SLC16A5: variants seen among roughly 807,000 people sequenced by gnomAD.
SLC16A5 encodes the protein solute carrier family 16 member 5, also known as monocarboxylate transporter 6.
SLC16A5 carries 29 observed loss-of-function variants against 33.2 expected under a neutral mutation model. The observed-to-expected ratio is 0.87, with a 90% CI of 0.65 to 1.19. SLC16A5 has a LOEUF of 1.19. SLC16A5 is among the 50% of genes most tolerant of loss of function. SLC16A5 has a pLI of 0.00. For missense variants in SLC16A5, 606 were observed against 678.2 expected, an observed-to-expected ratio of 0.89 and a Z score of 1.18; for synonymous variants, 248 against 284.1, an observed-to-expected ratio of 0.87 and a Z score of 1.28.
At chr17:75,095,880 C>T (rs570394641) in intron 3 of SLC16A5, among the ~76,000 whole-genome samples, 3 of 151,834 alleles carry the variant, frequency 2.0e-5, no homozygotes, top group African/African-American at 4.9e-5. Context: ...AGGATGGTCT[C>T]GATCTCCTGA....
chr17:75,104,903 G>C (rs2073844730), intron 6 of SLC16A5: 1 of 985,312 alleles, frequency 1.0e-6, no homozygotes, highest in African/African-American at 1.7e-5. Flanking sequence ...GTGTGTTGCT[G>C]CTCCTACAGC....
intron 6 of SLC16A5, chr17:75,105,216 G>A (rs1054664937): frequency 2.2e-5 from 22 of 985,298 alleles, no homozygotes; most frequent in Non-Finnish European, 2.7e-5. Flanking sequence ...TCCTAGAATC[G>A]GTGAAGTCTG....
Position 75,100,288 on chromosome 17 carries a change from G to A in SLC16A5, c.625G>A (p.Glu209Lys), listed in dbSNP as rs61735759. Residue 209 changes from glutamate to lysine, a missense_variant, in exon 5 of 7, where the codon GAG becomes AAG. Physicochemically the swap from Glu to Lys is moderately conservative, Grantham distance 56. Coordinates refer to ENST00000329783, the MANE Select transcript of SLC16A5 (RefSeq NM_004695.4). ...CAAAGAATGTCCCCCGCCACCTCCCGAGACACCTGCACTTGGCTGCCTGGC... is the reference window on the plus strand; with the variant it reads ...CAAAGAATGTCCCCCGCCACCTCCCAAGACACCTGCACTTGGCTGCCTGGC... ...ETKECPPPPP[E>K]TPALGCLAAC... 11 of 1,614,028 alleles carry A rather than the reference G, an allele frequency of 6.8e-6. No homozygotes were observed. Among genetic ancestry groups the A allele is most frequent in the African/African-American group, 2.7e-5 (2 of 74,936 alleles).
chr17:75,089,740 C>A (rs1310215718), intron 2 of SLC16A5: 1 of 124,730 alleles, frequency 8.0e-6, no homozygotes, highest in Non-Finnish European at 1.6e-5. Context: ...GGAGACAGAG[C>A]GAAACTTCAT....
At chr17:75,106,591 T>TAA (rs1239388528), downstream of SLC16A5, among the ~76,000 whole-genome samples, 1,640 of 88,382 alleles carry the variant, frequency 0.019, 22 homozygotes, top group Non-Finnish European at 0.027. Context: ...TGTCTTTTTT[T>TAA]TAAAAAAAAA....
chr17:75,105,520 C>T (rs2073852089), intron 6 of SLC16A5: 3 of 985,372 alleles, frequency 3.0e-6, no homozygotes, highest in Non-Finnish European at 3.6e-6. Context: ...CCCCTGCTCC[C>T]CGTACACCTG....
At chr17:75,102,767 CTG>C (rs2073816308) in intron 5 of SLC16A5, among the ~76,000 whole-genome samples, 1 of 151,738 alleles carries the variant, frequency 6.6e-6, no homozygotes, top group African/African-American at 2.4e-5. Flanking sequence ...GAGTCTCGCT[CTG>C]TCATCCAGGC....
Position 75,104,000 on chromosome 17 carries a change from G to A in SLC16A5, c.1184G>A (p.Ser395Asn), listed in dbSNP as rs769367787. 6.2e-7 allele frequency: 1 copy of A among 1,614,186 alleles called. No homozygotes were observed. Among genetic ancestry groups the A allele is most frequent in the African/African-American group, 1.3e-5 (1 of 75,050 alleles). Residue 395 changes from serine (S) to asparagine (N), a missense_variant, in exon 6 of 7, where the codon AGC becomes AAC. By Grantham distance (46) the Ser-to-Asn change is conservative. Coordinates refer to ENST00000329783, the MANE Select transcript of SLC16A5 (RefSeq NM_004695.4). The stretch of plus-strand genomic sequence containing the variant: ...CTCCTGGACGCCACCAACAACTTTA[G>A]CTATGTTTTCTACATGTCCAGCTTC... Reference protein sequence around the residue: ...GLLLDATNNFSYVFYMSSFFL... With the variant: ...GLLLDATNNFNYVFYMSSFFL...
At chr17:75,101,925 G>T (rs975313481) in intron 5 of SLC16A5, among the ~76,000 whole-genome samples, 2 of 152,124 alleles carry the variant, frequency 1.3e-5, no homozygotes, top group South Asian at 4.1e-4. Flanking sequence ...GTGAGCCATT[G>T]CGCCTGGCCA....
At chr17:75,097,923 C>T (rs931305368) in intron 3 of SLC16A5, 115 bp from the exon 4 acceptor site, 55 of 1,245,736 alleles carry the variant, frequency 4.4e-5, no homozygotes, top group Middle Eastern at 5.6e-4. Flanking sequence ...CAGGCCTGCT[C>T]GTGCCCTTGA....
chr17:75,097,742 C>T lies in SLC16A5; in HGVS notation c.200-296C>T, dbSNP rs868204562. 2.0e-5 allele frequency among the ~76,000 whole-genome samples: 3 copies of T among 152,296 alleles called. No individual in the cohort carries two copies. The South Asian group carries it at 6.2e-4, about 32-fold the overall frequency. ...GTTTCACCCGGATAGAATGAGCAGCCTCAGGTCTGTGTAGTTCAGGGTCTT... is the reference window on the plus strand; with the variant it reads ...GTTTCACCCGGATAGAATGAGCAGCTTCAGGTCTGTGTAGTTCAGGGTCTT... On this transcript the variant is annotated intron_variant, in intron 3 of 6. Coordinates refer to ENST00000329783, the MANE Select transcript of SLC16A5 (RefSeq NM_004695.4).
At chr17:75,091,358 C>G (rs368598860) in intron 2 of SLC16A5, among the ~76,000 whole-genome samples, 20 of 152,174 alleles carry the variant, frequency 1.3e-4, no homozygotes, top group African/African-American at 4.6e-4. Context: ...GAAGCCCCAT[C>G]TGCGATATTG....
chr17:75,107,709 C>T (rs1281887297), downstream of SLC16A5, among the ~76,000 whole-genome samples: 2 of 152,208 alleles, frequency 1.3e-5, no homozygotes, highest in Admixed American at 6.6e-5. Flanking sequence ...GAGGCCAAGG[C>T]GGGTGGATCA....
chr17:75,099,984 T>C (rs1417020333), intron 4 of SLC16A5, 23 bp from the exon 5 acceptor site: 1 of 1,593,852 alleles, frequency 6.3e-7, no homozygotes, highest in Non-Finnish European at 8.5e-7. Flanking sequence ...GCCTCCAGGC[T>C]GGTTTCCCCT....
At chr17:75,088,569 C>T (rs970106744) in intron 1 of SLC16A5, among the ~76,000 whole-genome samples, 1 of 152,184 alleles carries the variant, frequency 6.6e-6, no homozygotes, top group Admixed American at 6.5e-5. Context: ...CAAGCTCAAG[C>T]CTGCCCTTGC....
At chr17:75,108,680 G>A (rs1033920881), downstream of SLC16A5, among the ~76,000 whole-genome samples, 2 of 152,194 alleles carry the variant, frequency 1.3e-5, no homozygotes, top group African/African-American at 2.4e-5. Flanking sequence ...TATTCAGGGA[G>A]GTAAAGGAAG....
chr17:75,098,180 A>G lies in SLC16A5; in HGVS notation c.342A>G (p.Thr114=), dbSNP rs1294157274. 6.2e-7 allele frequency: 1 copy of G among 1,612,942 alleles called. No individual in the cohort carries two copies. Among genetic ancestry groups the G allele is most frequent in the East Asian group, 2.2e-5 (1 of 44,748 alleles). Residue 114 remains threonine (T), a splice_region_variant and synonymous_variant, in exon 4 of 7, where the codon ACA becomes ACG. Coordinates refer to ENST00000329783, the MANE Select transcript of SLC16A5 (RefSeq NM_004695.4). ...SQLYFTAGFI[T]GLGMCFSFQS... ...TCTACTTCACAGCAGGATTCATCAC[A>G]GGTGACTATCACTTCATCTCCAGAA... is the stretch of plus-strand genomic sequence containing the variant.
chr17:75,088,008 G>T lies in SLC16A5; in HGVS notation c.-239G>T, dbSNP rs1344797501. The stretch of plus-strand genomic sequence containing the variant: ...GGGCCGCAGGACGCCGCGCTCGGGG[G>T]AGCTGAGCCACCTCTCCGCCAGGCC... On this transcript the variant is annotated 5_prime_UTR_variant, in exon 1 of 7. Transcript: ENST00000329783. 1.3e-5 allele frequency: 2 copies of T among 152,306 alleles called. No homozygotes were observed. The highest frequency in any genetic ancestry group is 2.1e-4 in the South Asian group (1 of 4,836). 9.4% of individuals were successfully genotyped at this position (152,306 alleles called of 1,614,324 possible). A position where few individuals can be genotyped will look rare whatever the true frequency, so the allele number is the denominator to read the frequency against.
downstream of SLC16A5, among the ~76,000 whole-genome samples, chr17:75,109,486 G>C (rs2073889621): frequency 6.6e-6 from 1 of 152,348 alleles, no homozygotes; most frequent in Admixed American, 6.5e-5. This position sits in a 1 kb window ranked among gnomAD's most constrained non-coding sequence, Gnocchi z 5.0. Flanking sequence ...GGACCCTGGA[G>C]GTGCTTCTGC....
Sources: gnomAD v4.1 joint callset for allele counts (sites outside exome capture counted in the v4.1 genomes callset) on GRCh38, gnomAD v4.1.1 for gene constraint, Gnocchi (gnomAD v3.1) non-coding constraint, MANE v1.5 for transcripts, NCBI Gene and HGNC (gene_info 2026-07-23, HGNC 2026-07-21) for gene names.